Variants in NRG3 observed in about 807,000 individuals in gnomAD.
The protein encoded by NRG3 is pro-neuregulin-3, membrane-bound isoform.
A neutral mutation model predicts 66.9 loss-of-function variants in NRG3; 31 were observed. That is an observed-to-expected ratio of 0.46 (90% CI 0.35 to 0.63). NRG3 has a LOEUF of 0.63. NRG3 is among the 20% of genes least tolerant of loss of function. The pLI, the probability that NRG3 is intolerant of heterozygous loss-of-function variation, is 0.00. For missense variants in NRG3, 910 were observed against 878.9 expected (o/e 1.04, Z -0.45); for synonymous variants, 393 against 359.4 (o/e 1.09, Z -1.06).
chr10:81,992,663 C>G (rs2060787655), intron 1 of NRG3, among the ~76,000 whole-genome samples: 1 of 152,100 alleles, frequency 6.6e-6, no homozygotes, highest in East Asian at 1.9e-4. Flanking sequence ...TCTCTTTGTC[C>G]TCTCCTTCAG....
intron 4 of NRG3, among the ~76,000 whole-genome samples, chr10:82,907,383 C>G (rs1368479880): frequency 1.3e-5 from 2 of 151,650 alleles, no homozygotes; most frequent in East Asian, 3.9e-4. Context: ...ATCATTTTAC[C>G]CCACTTTTAA....
At chr10:82,551,413 T>C (rs995286942) in intron 2 of NRG3, among the ~76,000 whole-genome samples, 5 of 152,108 alleles carry the variant, frequency 3.3e-5, no homozygotes, top group African/African-American at 1.2e-4. Flanking sequence ...GAAAAAAGTC[T>C]GTAAATATTT....
At chr10:82,966,553 G>A (rs60981484) in intron 6 of NRG3, among the ~76,000 whole-genome samples, 41,271 of 151,998 alleles carry the variant, frequency 0.27, 5,804 homozygotes, top group Middle Eastern at 0.37. Flanking sequence ...CTTCTCCACT[G>A]TAAAGTTACC....
At position 82,756,059 on chromosome 10, in the gene NRG3, G is replaced by A. The variant is rs114373443; in HGVS notation, c.1027+17409G>A. On this transcript the variant is annotated intron_variant, in intron 3 of 8. Coordinates refer to ENST00000372141, the MANE Select transcript of NRG3 (RefSeq NM_001010848.4). ...CCTTTTTTTTTTCTAAACTGAAAAC[G>A]TACCGTTTGTTTTCCATCTTCCTGT... is the stretch of plus-strand genomic sequence containing the variant. Among the ~76,000 whole-genome samples, 743 of 151,440 alleles carry A rather than the reference G, an allele frequency of 4.9e-3. 4 individuals carry two copies. Among genetic ancestry groups the A allele is most frequent in the African/African-American group, 0.017 (698 of 41,228 alleles).
intron 1 of NRG3, among the ~76,000 whole-genome samples, chr10:81,998,609 C>G (rs2061038676): frequency 6.6e-6 from 1 of 152,112 alleles, no homozygotes; most frequent in South Asian, 2.1e-4. Flanking sequence ...ACTGCTAGGA[C>G]TGTTGTAAAG....
intron 1 of NRG3, among the ~76,000 whole-genome samples, chr10:82,155,101 G>A (rs770893712): frequency 9.9e-5 from 15 of 151,580 alleles, no homozygotes; most frequent in Non-Finnish European, 1.9e-4. Flanking sequence ...AGTGAAACAG[G>A]TTAGACAGCA....
intron 1 of NRG3, among the ~76,000 whole-genome samples, chr10:82,208,033 C>T (rs1416786168): frequency 6.6e-6 from 1 of 152,140 alleles, no homozygotes; most frequent in African/African-American, 2.4e-5. Context: ...ACTCTATCTG[C>T]ACTATCTCAT....
intron 1 of NRG3, among the ~76,000 whole-genome samples, chr10:82,305,579 CT>C (rs1373917332): frequency 6.6e-6 from 1 of 151,684 alleles, no homozygotes; most frequent in Non-Finnish European, 1.5e-5. Flanking sequence ...CAATTAATAG[CT>C]TTTTAATTTT....
intron 4 of NRG3, among the ~76,000 whole-genome samples, chr10:82,888,140 T>C (rs1486365284): frequency 6.6e-6 from 1 of 152,180 alleles, no homozygotes. Context: ...GCCAGATGAC[T>C]AGAAATTGTG....
intron 1 of NRG3, among the ~76,000 whole-genome samples, chr10:82,288,940 A>T (rs1368125535): frequency 6.6e-6 from 1 of 152,180 alleles, no homozygotes; most frequent in Non-Finnish European, 1.5e-5. Flanking sequence ...ACATGCTGTA[A>T]TGACTGCTGG....
At chr10:82,196,583 A>G (rs930863121) in intron 1 of NRG3, among the ~76,000 whole-genome samples, 1 of 152,206 alleles carries the variant, frequency 6.6e-6, no homozygotes, top group African/African-American at 2.4e-5. Flanking sequence ...CTAAAAGGTA[A>G]TAATAAAAGT....
intron 2 of NRG3, among the ~76,000 whole-genome samples, chr10:82,708,754 T>C (rs766204668): frequency 2.0e-5 from 3 of 152,230 alleles, no homozygotes; most frequent in Non-Finnish European, 4.4e-5. Context: ...TTGAGCACTT[T>C]AAACATCTTC....
At chr10:81,932,902 T>G in intron 1 of NRG3, among the ~76,000 whole-genome samples, 1 of 150,336 alleles carries the variant, frequency 6.7e-6, no homozygotes, top group African/African-American at 2.4e-5. Context: ...AGGTGAGGAG[T>G]TCAAGACCAG....
At chr10:82,491,202 T>A (rs1843061946) in intron 2 of NRG3, among the ~76,000 whole-genome samples, 1 of 148,798 alleles carries the variant, frequency 6.7e-6, no homozygotes, top group Admixed American at 6.8e-5. Flanking sequence ...TGTTTTACAC[T>A]CTCAGTAATC....
chr10:82,016,916 AT>A (rs1413789631), intron 1 of NRG3, among the ~76,000 whole-genome samples: 1 of 152,140 alleles, frequency 6.6e-6, no homozygotes, highest in Non-Finnish European at 1.5e-5. Flanking sequence ...AGGGAATTTA[AT>A]TCTCAATAAT....
chr10:82,645,094 T>C (rs1035584887), intron 2 of NRG3, among the ~76,000 whole-genome samples: 2 of 152,204 alleles, frequency 1.3e-5, no homozygotes, highest in African/African-American at 4.8e-5. Flanking sequence ...GCTGTTTTCA[T>C]ATTTTTTCTT....
At chr10:82,730,310 T>C (rs2057834976) in intron 2 of NRG3, among the ~76,000 whole-genome samples, 1 of 151,950 alleles carries the variant, frequency 6.6e-6, no homozygotes. Context: ...GGTCTCGATC[T>C]CCTGACCTTG....
chr10:82,578,148 AT>A (rs2046143118), intron 2 of NRG3, among the ~76,000 whole-genome samples: 2 of 151,336 alleles, frequency 1.3e-5, no homozygotes, highest in South Asian at 2.1e-4. Flanking sequence ...ACGCAAGCAG[AT>A]TTTTTAATAG....
intron 2 of NRG3, among the ~76,000 whole-genome samples, chr10:82,492,242 G>A (rs1026145510): frequency 5.3e-5 from 8 of 152,196 alleles, no homozygotes; most frequent in Non-Finnish European, 8.8e-5. Context: ...ATGACAAATA[G>A]CATTACATGG....
Sources: allele counts gnomAD v4.1 joint callset (sites outside exome capture counted in the v4.1 genomes callset), GRCh38; gene constraint gnomAD v4.1.1; transcripts MANE v1.5; gene names NCBI Gene and HGNC (gene_info 2026-07-23, HGNC 2026-07-21).